Variants in SEMA6A observed in about 807,000 individuals in gnomAD.
SEMA6A encodes the protein semaphorin 6A, also known as semaphorin-6A.
In SEMA6A, 25 loss-of-function variants were observed where a neutral mutation model predicts 96.8. That is an observed-to-expected ratio of 0.26 (90% CI 0.19 to 0.36). The LOEUF is 0.36. SEMA6A is among the 10% of genes least tolerant of loss of function. SEMA6A has a pLI of 1.00. For synonymous variants in SEMA6A, 612 were observed against 518.0 expected (o/e 1.18, Z -2.46); for missense variants, 1,363 against 1,323.1 (o/e 1.03, Z -0.47).
chr5:116,493,646 T>TAAGATAAGATACTTATCTTC (rs1328096914), intron 6 of SEMA6A, among the ~76,000 whole-genome samples: 6 of 152,148 alleles, frequency 3.9e-5, no homozygotes, highest in African/African-American at 1.4e-4. Context: ...AGATGGAAGA[T>TAAGATAAGATACTTATCTTC]AAGTATGAGG....
intron 17 of SEMA6A, 25 bp downstream of exon 17, chr5:116,473,048 A>G (rs1201039214): frequency 7.6e-6 from 12 of 1,585,116 alleles, no homozygotes; most frequent in African/African-American, 1.3e-5. Flanking sequence ...CCAGTATGGA[A>G]TTATGAGAGT....
At chr5:116,533,436 T>G (rs1759573510) in intron 1 of SEMA6A, among the ~76,000 whole-genome samples, 1 of 152,188 alleles carries the variant, frequency 6.6e-6, no homozygotes. Context: ...AGTAAAACTT[T>G]GACTAACTAG....
intron 18 of SEMA6A, among the ~76,000 whole-genome samples, chr5:116,466,094 G>A (rs1755720506): frequency 6.6e-6 from 1 of 150,566 alleles, no homozygotes; most frequent in South Asian, 2.1e-4. Flanking sequence ...GATTTGGCCG[G>A]GAGCAGCAGC....
At chr5:116,560,520 A>G (rs1248492357) in intron 1 of SEMA6A, among the ~76,000 whole-genome samples, 1 of 151,510 alleles carries the variant, frequency 6.6e-6, no homozygotes, top group Non-Finnish European at 1.5e-5. Flanking sequence ...GGGAAGATCC[A>G]CTTAGGTTGT....
chr5:116,487,869 GA>G (rs1313151204), intron 9 of SEMA6A, among the ~76,000 whole-genome samples: 3 of 151,210 alleles, frequency 2.0e-5, no homozygotes, highest in Admixed American at 2.0e-4. Context: ...GTCTCAAAAA[GA>G]AAAAAAAGAT....
chr5:116,460,836 A>C (rs1038738420), intron 18 of SEMA6A, among the ~76,000 whole-genome samples: 6 of 148,162 alleles, frequency 4.0e-5, no homozygotes, highest in African/African-American at 1.3e-4. Context: ...CCCAGGCTGG[A>C]ATGCAGTGGC....
chr5:116,458,435 G>A (rs1485263474), intron 18 of SEMA6A, among the ~76,000 whole-genome samples: 4 of 152,110 alleles, frequency 2.6e-5, no homozygotes, highest in Non-Finnish European at 5.9e-5. Flanking sequence ...AAGGGTGGGG[G>A]TAAAGTGTCA....
rs1181492223 is a variant in SEMA6A, at chr5:116,472,805, T to A, written c.1729+268A>T. The A allele has an allele frequency of 2.8e-6, 3 of 1,082,302 alleles. No individual in the cohort carries two copies. In the South Asian group the frequency reaches 5.0e-5, roughly 18 times the overall value. The allele number at this position is 1,082,302 out of a possible 1,614,324, so 67.0% of individuals were successfully genotyped here. A position where few individuals can be genotyped will look rare whatever the true frequency, so the allele number is the denominator to read the frequency against. Reference sequence around the variant, plus strand: ...GTAACAAAGAATCTGGTCCATGATGTTTAGGAATGAAAACTATAAACTACT... The same window carrying A: ...GTAACAAAGAATCTGGTCCATGATGATTAGGAATGAAAACTATAAACTACT... On this transcript the variant is annotated intron_variant, in intron 17 of 18. Transcript: ENST00000343348.
intron 1 of SEMA6A, among the ~76,000 whole-genome samples, chr5:116,567,430 C>A (rs1378488769): frequency 6.6e-6 from 1 of 152,138 alleles, no homozygotes; most frequent in Non-Finnish European, 1.5e-5. Flanking sequence ...TTTTCAAAAT[C>A]CATTCCTAGG....
At position 116,480,250 on chromosome 5, in the gene SEMA6A, G is replaced by T; in HGVS notation, c.1122C>A (p.Ser374=). The T allele has an allele frequency of 3.7e-6, 6 of 1,613,820 alleles. No homozygotes were observed. Among genetic ancestry groups the T allele is most frequent in the Non-Finnish European group, 5.1e-6 (6 of 1,179,766 alleles). The change falls in exon 12 of 19, where the codon TCC becomes TCA. Residue 374 remains serine, a synonymous_variant. Coordinates refer to ENST00000343348, the MANE Select transcript of SEMA6A (RefSeq NM_020796.5). ...CATTGGAGGTTGCATATCTTTCTAA[G>T]GAGGATGAGCCAGCACAGCAACCTG... is the stretch of plus-strand genomic sequence containing the variant. ...PRPGCCAGSS[S]LERYATSNEF...
chr5:116,522,694 T>A (rs955179472), intron 1 of SEMA6A, among the ~76,000 whole-genome samples: 3 of 152,098 alleles, frequency 2.0e-5, no homozygotes, highest in Non-Finnish European at 4.4e-5. Context: ...TTATGCTCCA[T>A]AAGTGGGATT....
At chr5:116,501,838 G>C (rs1468249279) in intron 3 of SEMA6A, among the ~76,000 whole-genome samples, 5 of 152,186 alleles carry the variant, frequency 3.3e-5, no homozygotes, top group Non-Finnish European at 5.9e-5. Flanking sequence ...AGTGAGCTGA[G>C]ATTGCACCAC....
intron 1 of SEMA6A, among the ~76,000 whole-genome samples, chr5:116,573,834 C>T (rs1292060293): frequency 1.3e-5 from 2 of 152,050 alleles, no homozygotes; most frequent in African/African-American, 4.8e-5. Context: ...CGCTCTGCTC[C>T]CTGCTGGGCA....
intron 1 of SEMA6A, among the ~76,000 whole-genome samples, chr5:116,529,382 G>T (rs770240699): frequency 3.3e-5 from 5 of 152,132 alleles, no homozygotes; most frequent in Non-Finnish European, 7.4e-5. Flanking sequence ...TTTTCAAACA[G>T]CTAGAAAAGC....
intron 11 of SEMA6A, among the ~76,000 whole-genome samples, chr5:116,482,088 G>A (rs1340771622): frequency 6.6e-6 from 1 of 152,076 alleles, no homozygotes; most frequent in Non-Finnish European, 1.5e-5. Flanking sequence ...TTGAAAGGAA[G>A]CATAAAGAAG....
In SEMA6A at chr5:116,463,928, G is replaced by A. The variant is rs576324140; in HGVS notation, c.1894+3655C>T. Among the ~76,000 whole-genome samples, 51 of 152,196 alleles carry A rather than the reference G, an allele frequency of 3.4e-4. No individual in the cohort carries two copies. The Middle Eastern group carries it at 0.01, about 30-fold the overall frequency. ...CAGCTCTCTTGGCTGCTCTGGATGT[G>A]GCTGATTTCCTTACATACCTCATAG... On this transcript the variant is annotated intron_variant, in intron 18 of 18. Coordinates refer to ENST00000343348, the MANE Select transcript of SEMA6A (RefSeq NM_020796.5).
intron 1 of SEMA6A, among the ~76,000 whole-genome samples, chr5:116,556,996 C>G (rs926716643): frequency 2.0e-5 from 3 of 152,180 alleles, no homozygotes; most frequent in African/African-American, 7.2e-5. Flanking sequence ...CAAGAAAAAG[C>G]AGAGTTGGCA....
intron 1 of SEMA6A, among the ~76,000 whole-genome samples, chr5:116,533,132 A>G (rs991887959): frequency 1.3e-5 from 2 of 152,218 alleles, no homozygotes; most frequent in African/African-American, 4.8e-5. Flanking sequence ...AAACTATGCA[A>G]AGCTTTGAGT....
chr5:116,448,287 G>C (rs946855220), intron 18 of SEMA6A, among the ~76,000 whole-genome samples: 1 of 152,104 alleles, frequency 6.6e-6, no homozygotes, highest in Non-Finnish European at 1.5e-5. Flanking sequence ...GGAGGTTGCA[G>C]TGAAGGGAGA....
Sources: gnomAD v4.1 joint callset for allele counts (sites outside exome capture counted in the v4.1 genomes callset) on GRCh38, gnomAD v4.1.1 for gene constraint, MANE v1.5 for transcripts, NCBI Gene and HGNC (gene_info 2026-07-23, HGNC 2026-07-21) for gene names.